SORCS3: variants seen among roughly 807,000 people sequenced by gnomAD.
SORCS3 encodes VPS10 domain-containing receptor SorCS3.
Under a neutral mutation model 146.3 loss-of-function variants are expected in SORCS3, and 57 were observed. That is an observed-to-expected ratio of 0.39 (90% confidence interval 0.31 to 0.49). SORCS3 has a LOEUF of 0.49. SORCS3 is among the 20% of genes least tolerant of loss of function. The pLI is 0.92. For missense variants in SORCS3, 1,341 were observed against 1,575.5 expected (o/e 0.85, Z 2.52); for synonymous variants, 653 against 618.5 (o/e 1.06, Z -0.83).
chr10:104,704,430 G>A (rs1213404961), intron 1 of SORCS3, among the ~76,000 whole-genome samples: 3 of 152,100 alleles, frequency 2.0e-5, no homozygotes, highest in Non-Finnish European at 4.4e-5. Context: ...TCTGGCTTCA[G>A]CCTCCCAAAA....
At chr10:104,772,332 C>T (rs2017259118) in intron 1 of SORCS3, among the ~76,000 whole-genome samples, 1 of 152,194 alleles carries the variant, frequency 6.6e-6, no homozygotes. Flanking sequence ...CAGCTGCTTG[C>T]TCTCCCACAA....
chr10:105,213,655 G>GTT (rs1285335289), intron 17 of SORCS3, among the ~76,000 whole-genome samples: 1 of 152,152 alleles, frequency 6.6e-6, no homozygotes, highest in Non-Finnish European at 1.5e-5. Context: ...ATATGCTGGG[G>GTT]TTGGTGGGCA....
intron 1 of SORCS3, among the ~76,000 whole-genome samples, chr10:104,800,729 T>C (rs1169917698): frequency 6.6e-6 from 1 of 152,164 alleles, no homozygotes; most frequent in Non-Finnish European, 1.5e-5. Flanking sequence ...AATCCAAATA[T>C]GGGTGGAGTG....
chr10:105,097,566 C>A (rs944253965), intron 6 of SORCS3, among the ~76,000 whole-genome samples: 1 of 152,150 alleles, frequency 6.6e-6, no homozygotes, highest in African/African-American at 2.4e-5. Flanking sequence ...GTCATTTAGA[C>A]CTTGGACAAA....
chr10:104,680,663 C>T lies in SORCS3; in HGVS notation c.627+38709C>T, dbSNP rs2015960072. Among the ~76,000 whole-genome samples, 3 of 152,226 alleles carry T rather than the reference C, an allele frequency of 2.0e-5. No individual in the cohort carries two copies. In the South Asian group the frequency reaches 6.2e-4, roughly 32 times the overall value. On this transcript the variant is annotated intron_variant, in intron 1 of 26. Coordinates refer to ENST00000369701, the MANE Select transcript of SORCS3 (RefSeq NM_014978.3). ...TGTGAGGGCTAAACTAGTAACTGCA[C>T]GTGAGGGGCACAGACCAGTGTCTGG...
intron 7 of SORCS3, among the ~76,000 whole-genome samples, chr10:105,134,854 G>A (rs2056048162): frequency 6.6e-6 from 1 of 152,026 alleles, no homozygotes; most frequent in South Asian, 2.1e-4. Flanking sequence ...TAAAATCTAG[G>A]TCCAAAGTCT....
At chr10:104,987,227 A>G (rs2054967472) in intron 4 of SORCS3, among the ~76,000 whole-genome samples, 1 of 152,144 alleles carries the variant, frequency 6.6e-6, no homozygotes, top group Middle Eastern at 3.2e-3. Flanking sequence ...GGGAGAAAAA[A>G]GGAATGAGGG....
intron 1 of SORCS3, among the ~76,000 whole-genome samples, chr10:104,790,915 A>G (rs1394389234): frequency 3.3e-5 from 5 of 152,212 alleles, no homozygotes; most frequent in Admixed American, 6.5e-5. Context: ...ATTGAGGTCC[A>G]TGACTACTTG....
intron 1 of SORCS3, among the ~76,000 whole-genome samples, chr10:104,754,294 G>T (rs1210284049): frequency 1.3e-5 from 2 of 152,054 alleles, no homozygotes; most frequent in Non-Finnish European, 2.9e-5. Context: ...ATCATCCGGG[G>T]CCCCTGTTAA....
At chr10:104,940,204 TTATA>T (rs71022748) in intron 3 of SORCS3, among the ~76,000 whole-genome samples, 50 of 52,970 alleles carry the variant, frequency 9.4e-4, no homozygotes, top group South Asian at 3.9e-3. Context: ...TCCTTTTCTT[TTATA>T]TATATATATA....
chr10:105,143,696 A>C (rs776372814), intron 8 of SORCS3, among the ~76,000 whole-genome samples: 1 of 152,230 alleles, frequency 6.6e-6, no homozygotes, highest in Non-Finnish European at 1.5e-5. Flanking sequence ...GACATCAAAC[A>C]AATAATTACA....
At chr10:104,881,560 A>C (rs906896868) in intron 2 of SORCS3, among the ~76,000 whole-genome samples, 1 of 152,210 alleles carries the variant, frequency 6.6e-6, no homozygotes, top group Non-Finnish European at 1.5e-5. Flanking sequence ...ATTAAAGAGA[A>C]TTCTTTTAAT....
chr10:104,786,790 A>G (rs1447863592), intron 1 of SORCS3, among the ~76,000 whole-genome samples: 10 of 152,104 alleles, frequency 6.6e-5, no homozygotes, highest in Non-Finnish European at 1.5e-5. Flanking sequence ...GTGCAGGATC[A>G]GGCAGAGTTT....
chr10:105,124,322 C>G (rs2055957231), intron 7 of SORCS3, among the ~76,000 whole-genome samples: 1 of 152,106 alleles, frequency 6.6e-6, no homozygotes, highest in African/African-American at 2.4e-5. Context: ...CCCTACTTTC[C>G]TGGGGTGGAA....
At chr10:104,718,795 A>G (rs1041421131) in intron 1 of SORCS3, among the ~76,000 whole-genome samples, 1 of 152,208 alleles carries the variant, frequency 6.6e-6, no homozygotes, top group Non-Finnish European at 1.5e-5. Flanking sequence ...GAAGTCCAGG[A>G]AAGTGGGAGA....
intron 9 of SORCS3, among the ~76,000 whole-genome samples, chr10:105,153,649 G>A (rs1329480478): frequency 6.8e-6 from 1 of 148,084 alleles, no homozygotes; most frequent in South Asian, 2.1e-4. Flanking sequence ...GTGTGTATGT[G>A]TGTGTGTGTG....
chr10:104,976,864 T>G (rs917122926), intron 3 of SORCS3, among the ~76,000 whole-genome samples: 1 of 151,504 alleles, frequency 6.6e-6, no homozygotes, highest in Admixed American at 6.6e-5. Context: ...AACAATGAGA[T>G]CGCATGGACA....
chr10:104,948,710 G>T (rs563583755), intron 3 of SORCS3, among the ~76,000 whole-genome samples: 1 of 152,220 alleles, frequency 6.6e-6, no homozygotes, highest in African/African-American at 2.4e-5. Context: ...GATTACTGCG[G>T]ATCTGAAGGA....
chr10:105,255,546 G>A (rs2056926416), intron 23 of SORCS3, among the ~76,000 whole-genome samples, 156 bp from the exon 24 acceptor site: 1 of 152,168 alleles, frequency 6.6e-6, no homozygotes, highest in Admixed American at 6.5e-5. Context: ...GGCCCCAAGG[G>A]CTGTGAGAAC....
Sources: allele counts gnomAD v4.1 joint callset (sites outside exome capture counted in the v4.1 genomes callset), GRCh38; gene constraint gnomAD v4.1.1; transcripts MANE v1.5; gene names NCBI Gene and HGNC (gene_info 2026-07-23, HGNC 2026-07-21).